SLC30A9: variants seen among roughly 807,000 people sequenced by gnomAD.
The protein encoded by SLC30A9 is solute carrier family 30 member 9, also known as proton-coupled zinc antiporter SLC30A9, mitochondrial.
In SLC30A9, 58 loss-of-function variants were observed where a neutral mutation model predicts 87.5. That is an observed-to-expected ratio of 0.66 (90% confidence interval 0.54 to 0.82). The LOEUF is 0.82. SLC30A9 is among the 40% of genes least tolerant of loss of function. SLC30A9 has a pLI of 0.00. For synonymous variants in SLC30A9, 234 were observed against 233.0 expected (o/e 1.00, Z -0.04); for missense variants, 557 against 679.1 (o/e 0.82, Z 2.00).
intron 2 of SLC30A9, among the ~76,000 whole-genome samples, chr4:42,006,981 G>A (rs1715231980): frequency 6.6e-6 from 1 of 152,150 alleles, no homozygotes; most frequent in Non-Finnish European, 1.5e-5. Flanking sequence ...TTGTTTTGTA[G>A]GTAGTGGGAA....
At chr4:42,072,797 CTCTATTGT>C (rs1390101746) in intron 15 of SLC30A9, among the ~76,000 whole-genome samples, 4 of 145,148 alleles carry the variant, frequency 2.8e-5, no homozygotes, top group Non-Finnish European at 6.0e-5. Flanking sequence ...TATCTTCTTG[CTCTATTGT>C]TCTATCCTTT....
chr4:41,992,962 T>C (rs1252660033), intron 1 of SLC30A9, among the ~76,000 whole-genome samples: 1 of 151,996 alleles, frequency 6.6e-6, no homozygotes, highest in Non-Finnish European at 1.5e-5. Context: ...GAAAAGCTTA[T>C]AAAGCATAAG....
chr4:42,045,432 C>T (rs1054407559), intron 8 of SLC30A9, among the ~76,000 whole-genome samples: 6 of 152,088 alleles, frequency 3.9e-5, no homozygotes, highest in African/African-American at 1.4e-4. Flanking sequence ...ATAATATAAA[C>T]ACCTCTACGC....
At chr4:42,035,749 G>A (rs1014003933) in intron 7 of SLC30A9, among the ~76,000 whole-genome samples, 2 of 140,314 alleles carry the variant, frequency 1.4e-5, no homozygotes, top group Admixed American at 7.8e-5. Context: ...GCCTGCCTCG[G>A]CCTCCCAAAG....
At chr4:42,038,392 C>A (rs545022134) in intron 7 of SLC30A9, among the ~76,000 whole-genome samples, 1 of 152,148 alleles carries the variant, frequency 6.6e-6, no homozygotes, top group South Asian at 2.1e-4. Context: ...TATTTTTCAC[C>A]GTAAGCAGCA....
chr4:42,029,996 A>G lies in SLC30A9; in HGVS notation c.611-5279A>G, dbSNP rs1173210598. ...AATACCTGCAGCCTCTGCTTGTTGT[A>G]CAGTTCACCAACCTTACCATGGACA... On this transcript the variant is annotated intron_variant, in intron 6 of 17. Coordinates refer to ENST00000264451, the MANE Select transcript of SLC30A9 (RefSeq NM_006345.4). The G allele has an allele frequency of 8.9e-6, 8 of 897,026 alleles. No individual in the cohort carries two copies. In the East Asian group the frequency reaches 2.8e-4, roughly 31 times the overall value. 55.6% of individuals were successfully genotyped at this position (897,026 alleles called of 1,614,324 possible). A position where few individuals can be genotyped will look rare whatever the true frequency, so the allele number is the denominator to read the frequency against.
intron 14 of SLC30A9, among the ~76,000 whole-genome samples, chr4:42,068,308 A>G (rs186712929): frequency 2.0e-5 from 3 of 149,706 alleles, no homozygotes; most frequent in Non-Finnish European, 3.0e-5. Context: ...CAATGGTGCC[A>G]TGTCGGCTCA....
chr4:42,083,812 A>G lies in SLC30A9; in HGVS notation c.1663-2270A>G, dbSNP rs146289878. Among the ~76,000 whole-genome samples, 636 of 152,274 alleles carry G rather than the reference A, an allele frequency of 4.2e-3. 6 individuals are homozygous for G. Among genetic ancestry groups the G allele is most frequent in the African/African-American group, 0.014 (592 of 41,554 alleles). The stretch of plus-strand genomic sequence containing the variant: ...ATTGAGTTTAAGGAGTTCTAGAGAC[A>G]GGGAATAGTTTTAAATAAGGAAAAA... On this transcript the variant is annotated intron_variant, in intron 17 of 17. Transcript: ENST00000264451.
At chr4:42,007,607 CGG>C (rs1175638039) in intron 2 of SLC30A9, among the ~76,000 whole-genome samples, 11 of 27,304 alleles carry the variant, frequency 4.0e-4, no homozygotes, top group South Asian at 4.3e-3. Flanking sequence ...AAAAATTAGC[CGG>C]AGCCGGGCAT....
chr4:42,084,221 G>C (rs1718836844), intron 17 of SLC30A9, among the ~76,000 whole-genome samples: 1 of 152,110 alleles, frequency 6.6e-6, no homozygotes, highest in Non-Finnish European at 1.5e-5. Context: ...ACCTGCCTCA[G>C]TACTTATATT....
At chr4:42,005,924 TA>T (rs2153133477) in intron 2 of SLC30A9, among the ~76,000 whole-genome samples, 1 of 152,306 alleles carries the variant, frequency 6.6e-6, no homozygotes, top group African/African-American at 2.4e-5. Flanking sequence ...TATTGTATTG[TA>T]ACATTTAGCC....
chr4:42,029,635 C>A, intron 6 of SLC30A9: 1 of 657,750 alleles, frequency 1.5e-6, no homozygotes, highest in South Asian at 1.6e-5. Context: ...AGACTTTAAT[C>A]AAGAATGAGG....
chr4:41,990,768 TC>T lies in SLC30A9; in HGVS notation c.109+11del. The T allele has an allele frequency of 6.3e-7, 1 of 1,599,386 alleles. No individual in the cohort carries two copies. Among genetic ancestry groups the T allele is most frequent in the Non-Finnish European group, 8.5e-7 (1 of 1,170,468 alleles). ...ATCCCAGCGACCGCCAGGGTGAGTG[TC>T]CCGCGCTGGCCGCTGGCTCCGTAGA... On this transcript the variant is annotated intron_variant, in intron 1 of 17. Coordinates refer to ENST00000264451, the MANE Select transcript of SLC30A9 (RefSeq NM_006345.4).
intron 2 of SLC30A9, among the ~76,000 whole-genome samples, chr4:42,005,280 G>A (rs569653664): frequency 6.6e-6 from 1 of 152,226 alleles, no homozygotes; most frequent in East Asian, 1.9e-4. Flanking sequence ...TTTTGCTTTT[G>A]TGTGCTACTC....
chr4:42,011,484 TTCAAACTGGCAATATGAGA>T (rs1715440947), intron 2 of SLC30A9, among the ~76,000 whole-genome samples: 1 of 152,108 alleles, frequency 6.6e-6, no homozygotes, highest in Non-Finnish European at 1.5e-5. Flanking sequence ...GGGAAGGAAT[TTCAAACTGGCAATATGAGA>T]TCAAACTGGC....
intron 9 of SLC30A9, among the ~76,000 whole-genome samples, chr4:42,056,151 C>G (rs1222464046): frequency 8.5e-6 from 1 of 118,250 alleles, no homozygotes; most frequent in Non-Finnish European, 1.7e-5. Flanking sequence ...CTTCATTGCA[C>G]AGCCAACTGA....
chr4:42,009,224 T>C (rs1487430960), intron 2 of SLC30A9, among the ~76,000 whole-genome samples: 1 of 152,220 alleles, frequency 6.6e-6, no homozygotes, highest in Non-Finnish European at 1.5e-5. Flanking sequence ...CATTGTTTAT[T>C]GACAGTTTTA....
At chr4:42,039,946 A>G (rs1345052752) in intron 8 of SLC30A9, among the ~76,000 whole-genome samples, 2 of 152,156 alleles carry the variant, frequency 1.3e-5, no homozygotes, top group Admixed American at 6.5e-5. Context: ...TAAAGATATA[A>G]TACATAATTC....
intron 9 of SLC30A9, among the ~76,000 whole-genome samples, chr4:42,057,367 C>G (rs1188163936): frequency 6.6e-6 from 1 of 152,216 alleles, no homozygotes; most frequent in Admixed American, 6.5e-5. Flanking sequence ...GAAATCTAGG[C>G]AGAGATTTCC....
Sources: gnomAD v4.1 joint callset for allele counts (sites outside exome capture counted in the v4.1 genomes callset) on GRCh38, gnomAD v4.1.1 for gene constraint, MANE v1.5 for transcripts, NCBI Gene and HGNC (gene_info 2026-07-23, HGNC 2026-07-21) for gene names.